PHKA1: variants seen among roughly 807,000 people sequenced by gnomAD.
PHKA1 encodes the protein phosphorylase b kinase regulatory subunit alpha, skeletal muscle isoform.
In PHKA1, 60 loss-of-function variants were observed where a neutral mutation model predicts 110.2. That is an observed-to-expected ratio of 0.54 (90% CI 0.44 to 0.68). The LOEUF (loss-of-function observed/expected upper bound fraction) is 0.68. Ranked by LOEUF, PHKA1 falls within the 30% of genes least tolerant of loss-of-function variation. The pLI, the probability that PHKA1 is intolerant of heterozygous loss-of-function variation, is 0.00. For synonymous variants in PHKA1, 316 were observed against 333.6 expected, an observed-to-expected ratio of 0.95 and a Z score of 0.58; for missense variants, 801 against 942.5, an observed-to-expected ratio of 0.85 and a Z score of 1.97.
At chrX:72,679,838 G>A (rs1280462078) in intron 5 of PHKA1, among the ~76,000 whole-genome samples, 1 of 110,203 alleles carries the variant, frequency 9.1e-6, no homozygotes, top group Non-Finnish European at 1.9e-5. Flanking sequence ...TTGAATACTC[G>A]AAGGAAGGGG....
At chrX:72,684,252 G>A (rs1227158824) in intron 5 of PHKA1, among the ~76,000 whole-genome samples, 2 of 111,509 alleles carry the variant, frequency 1.8e-5, no homozygotes, top group African/African-American at 6.5e-5. Context: ...TACATACCAT[G>A]AGATATCACA....
chrX:72,663,242 A>C (rs1025982126), intron 8 of PHKA1, among the ~76,000 whole-genome samples: 7 of 110,605 alleles, frequency 6.3e-5, no homozygotes, highest in African/African-American at 2.3e-4. Flanking sequence ...TGAAATAAAA[A>C]ACACAATCAA....
intron 14 of PHKA1, among the ~76,000 whole-genome samples, chrX:72,641,592 T>A (rs2147742569): frequency 9.0e-6 from 1 of 111,595 alleles, no homozygotes; most frequent in East Asian, 2.8e-4. Flanking sequence ...CAAAGTTGAT[T>A]AATCTCATAA....
At chrX:72,694,165 G>C (rs1458002219) in intron 4 of PHKA1, among the ~76,000 whole-genome samples, 1 of 111,789 alleles carries the variant, frequency 8.9e-6, no homozygotes, top group African/African-American at 3.2e-5. Flanking sequence ...AATACTCTGT[G>C]AAGATCTTGC....
chrX:72,638,133 T>TTTGTTA (rs1439133862), intron 14 of PHKA1, among the ~76,000 whole-genome samples: 1 of 111,422 alleles, frequency 9.0e-6, no homozygotes, highest in Non-Finnish European at 1.9e-5. Flanking sequence ...ACAGGTTTTT[T>TTTGTTA]TTGTTTTTGT....
At chrX:72,685,521 A>T (rs1200130535) in intron 4 of PHKA1, among the ~76,000 whole-genome samples, 1 of 112,065 alleles carries the variant, frequency 8.9e-6, no homozygotes, top group African/African-American at 3.2e-5. Flanking sequence ...TATATTAAAA[A>T]GCAAAATCAT....
intron 28 of PHKA1, among the ~76,000 whole-genome samples, chrX:72,597,115 T>C (rs1216910057): frequency 8.9e-6 from 1 of 112,170 alleles, no homozygotes; most frequent in Non-Finnish European, 1.9e-5. Flanking sequence ...AAGCCCATTG[T>C]GCAGAAAAGA....
At chrX:72,688,345 G>A (rs1359752572) in intron 4 of PHKA1, among the ~76,000 whole-genome samples, 9 of 111,879 alleles carry the variant, frequency 8.0e-5, no homozygotes, top group African/African-American at 2.9e-4. Context: ...TTGGAAAGAC[G>A]CCGGTAAAGA....
chrX:72,684,717 C>T (rs1222677874), intron 4 of PHKA1, 137 bp from the exon 5 acceptor site: 1 of 478,084 alleles, frequency 2.1e-6, no homozygotes, highest in Non-Finnish European at 3.8e-6. Flanking sequence ...GCACTTTGAT[C>T]TTAAACTATA....
intron 2 of PHKA1, among the ~76,000 whole-genome samples, chrX:72,711,447 T>C (rs940021217): frequency 9.0e-6 from 1 of 110,985 alleles, no homozygotes; most frequent in Non-Finnish European, 1.9e-5. Flanking sequence ...ATGGTATTTT[T>C]ATAAAAGTCA....
rs1017523191 is a variant in PHKA1, at chrX:72,683,584, G to A, written c.537+914C>T. ...TGCGTGAAACTATCATCATAATAAT[G>A]AATATTTGTAAAATTTCCAAAAGTC... is the stretch of plus-strand genomic sequence containing the variant. On this transcript the variant is annotated intron_variant, in intron 5 of 31. Transcript: ENST00000373542. 5.4e-5 allele frequency among the ~76,000 whole-genome samples: 6 copies of A among 111,573 alleles called. No homozygotes were observed. The East Asian group carries it at 1.7e-3, about 31-fold the overall frequency.
At chrX:72,606,194 G>T (rs1490786949) in intron 23 of PHKA1, among the ~76,000 whole-genome samples, 1 of 111,589 alleles carries the variant, frequency 9.0e-6, no homozygotes, top group African/African-American at 3.3e-5. Context: ...ACCCTACTCT[G>T]CTACTGAACA....
Position 72,581,115 on chromosome X carries a change from G to A in PHKA1, c.3559C>T (p.Leu1187Phe), listed in dbSNP as rs2052330468. 5.0e-6 allele frequency: 6 copies of A among 1,193,569 alleles called. No individual in the cohort carries two copies. The highest frequency in any genetic ancestry group is 6.8e-6 in the Non-Finnish European group (6 of 878,833). Residue 1187 changes from leucine (L) to phenylalanine (F), a missense_variant, in exon 32 of 32, where the codon CTT (leucine) becomes TTT (phenylalanine). By Grantham distance (22) the Leu-to-Phe change is conservative (BLOSUM62 0). Coordinates refer to ENST00000373542, the MANE Select transcript of PHKA1 (RefSeq NM_002637.4). ...AKDPASGICT[L>F]LYDSAPSGRF... Reference sequence around the variant, plus strand: ...CCACTGGGTGCACTGTCATACAGAAGAGTACAGATGCCAGATGCGGGATCC... The same window carrying A: ...CCACTGGGTGCACTGTCATACAGAAAAGTACAGATGCCAGATGCGGGATCC...
chrX:72,697,895 A>C (rs1171167885), intron 3 of PHKA1, among the ~76,000 whole-genome samples: 4 of 108,832 alleles, frequency 3.7e-5, no homozygotes, highest in South Asian at 4.1e-4. Context: ...GAGGCAGGAG[A>C]ATGGCGTGAA....
chrX:72,656,074 A>G (rs1556301253), intron 10 of PHKA1, 46 bp downstream of exon 10: 4 of 1,195,362 alleles, frequency 3.3e-6, no homozygotes, highest in Middle Eastern at 4.6e-4. Flanking sequence ...CTGTAAGAAG[A>G]TATAACAAAA....
At chrX:72,706,657 G>A (rs1322199235) in intron 2 of PHKA1, among the ~76,000 whole-genome samples, 1 of 111,018 alleles carries the variant, frequency 9.0e-6, no homozygotes, top group African/African-American at 3.3e-5. Context: ...CATATTAAGG[G>A]CCTCTAGTCG....
chrX:72,661,320 T>C (rs1190480625), intron 8 of PHKA1, among the ~76,000 whole-genome samples: 5 of 111,758 alleles, frequency 4.5e-5, no homozygotes, highest in East Asian at 2.8e-4. Context: ...TTTTATATTC[T>C]AGTAGTCAAT....
At chrX:72,689,915 G>A (rs1556320270) in intron 4 of PHKA1, among the ~76,000 whole-genome samples, 1 of 111,201 alleles carries the variant, frequency 9.0e-6, no homozygotes, top group Non-Finnish European at 1.9e-5. Context: ...CCTGATGGGT[G>A]TGAAGTGGTA....
chrX:72,656,328 T>A (rs1159778791), intron 9 of PHKA1, 86 bp from the exon 10 acceptor site: 27 of 993,121 alleles, frequency 2.7e-5, no homozygotes, highest in Admixed American at 1.6e-4. Flanking sequence ...GGGTTTTCAT[T>A]ACTGATTGTT....
Sources: allele counts gnomAD v4.1 joint callset (sites outside exome capture counted in the v4.1 genomes callset), GRCh38; gene constraint gnomAD v4.1.1; transcripts MANE v1.5; gene names NCBI Gene and HGNC (gene_info 2026-07-23, HGNC 2026-07-21).